Variants in KIRREL3 observed in about 807,000 individuals in gnomAD.
KIRREL3 encodes kirre like nephrin family adhesion molecule 3, also known as kin of IRRE-like protein 3.
Under a neutral mutation model 89.7 loss-of-function variants are expected in KIRREL3, and 36 were observed. The observed-to-expected ratio is 0.40, with a 90% confidence interval of 0.31 to 0.53. KIRREL3 has a LOEUF of 0.53. KIRREL3 is among the 20% of genes least tolerant of loss of function. KIRREL3 has a pLI of 0.49. For synonymous variants in KIRREL3, 445 were observed against 441.4 expected (o/e 1.01, Z -0.10); for missense variants, 864 against 1,056.6 (o/e 0.82, Z 2.53).
rs1946175674 is a variant in KIRREL3, at chr11:126,676,100, C to T, written c.56-113188G>A. ...GTCCAGTTTGGGACATACTGAATTT[C>T]AGATGGTTTGGGGACATTCAGGTGT... On this transcript the variant is annotated intron_variant, in intron 1 of 16. Transcript: ENST00000525144. This position sits in a 1 kb window ranked among gnomAD's most constrained non-coding sequence, Gnocchi z 4.5. Among the ~76,000 whole-genome samples, 1 of 152,134 alleles carries T rather than the reference C, an allele frequency of 6.6e-6. No individual in the cohort carries two copies. The highest frequency in any genetic ancestry group is 6.5e-5 in the Admixed American group (1 of 15,272).
Position 126,704,743 on chromosome 11 carries a change from G to C in KIRREL3, c.56-141831C>G, listed in dbSNP as rs1947455248. ...CTGTCTGCGTTAGCAGGTCACTTTT[G>C]GGCTAGCTACCTATACCAGTCCAAA... is the stretch of plus-strand genomic sequence containing the variant. On this transcript the variant is annotated intron_variant, in intron 1 of 16. Transcript: ENST00000525144. The surrounding 1 kb of genome is among the most constrained non-coding windows in gnomAD (Gnocchi z 4.2). Among the ~76,000 whole-genome samples, 1 of 152,172 alleles carries C rather than the reference G, an allele frequency of 6.6e-6. No homozygotes were observed. Among genetic ancestry groups the C allele is most frequent in the East Asian group, 1.9e-4 (1 of 5,200 alleles).
In KIRREL3 at chr11:126,710,338, T is replaced by C. The variant is rs1274018620; in HGVS notation, c.56-147426A>G. ...GAGAGAAGGGAGATAGCTAGCTCAG[T>C]GTGGCACCCCATTCTTCCCATTGAG... On this transcript the variant is annotated intron_variant, in intron 1 of 16. Transcript: ENST00000525144. The surrounding 1 kb of genome is among the most constrained non-coding windows in gnomAD (Gnocchi z 4.2). 6.6e-6 allele frequency among the ~76,000 whole-genome samples: 1 copy of C among 152,166 alleles called. No homozygotes were observed. The highest frequency in any genetic ancestry group is 1.5e-5 in the Non-Finnish European group (1 of 68,024).
intron 1 of KIRREL3, among the ~76,000 whole-genome samples, chr11:126,929,371 G>T (rs1947845880): frequency 6.6e-6 from 1 of 152,174 alleles, no homozygotes; most frequent in South Asian, 2.1e-4. Flanking sequence ...GGTGCTGAGG[G>T]TGTGGACAGG....
intron 7 of KIRREL3, among the ~76,000 whole-genome samples, chr11:126,453,512 CAGTT>C (rs1433911311): frequency 6.6e-6 from 1 of 152,240 alleles, no homozygotes; most frequent in African/African-American, 2.4e-5. Context: ...GTAATCTTGT[CAGTT>C]AGGAAAAATC....
At chr11:126,514,065 G>A (rs1008993644) in intron 4 of KIRREL3, among the ~76,000 whole-genome samples, 12 of 152,220 alleles carry the variant, frequency 7.9e-5, no homozygotes, top group Admixed American at 1.3e-4. Flanking sequence ...TGGCCCAGGG[G>A]ACATGGGGGT....
At chr11:126,699,639 A>G (rs898803140) in intron 1 of KIRREL3, among the ~76,000 whole-genome samples, 1 of 152,176 alleles carries the variant, frequency 6.6e-6, no homozygotes. Context: ...GTATATATTT[A>G]TATTTCCAGC....
At chr11:126,506,623 G>A (rs1958024051) in intron 4 of KIRREL3, among the ~76,000 whole-genome samples, 1 of 152,204 alleles carries the variant, frequency 6.6e-6, no homozygotes, top group African/African-American at 2.4e-5. Context: ...GGTGGGAATG[G>A]ATACAGCCAC....
chr11:126,598,817 T>C (rs11604082), intron 1 of KIRREL3, among the ~76,000 whole-genome samples: 13,579 of 152,258 alleles, frequency 0.089, 714 homozygotes, highest in Middle Eastern at 0.13. Flanking sequence ...ACCTCTGCAG[T>C]GGGAATAATA....
At position 126,943,553 on chromosome 11, in the gene KIRREL3, A is replaced by G. The variant is rs1948524023; in HGVS notation, c.55+56902T>C. Among the ~76,000 whole-genome samples, 1 of 152,220 alleles carries G rather than the reference A, an allele frequency of 6.6e-6. No homozygotes were observed. Among genetic ancestry groups the G allele is most frequent in the Non-Finnish European group, 1.5e-5 (1 of 68,030 alleles). ...AAGGATGAGCCCAGGACAAGATTAA[A>G]TCAGCAGACTGAACGATAAATGAAC... On this transcript the variant is annotated intron_variant, in intron 1 of 16. Transcript: ENST00000525144. The surrounding 1 kb of genome is among the most constrained non-coding windows in gnomAD (Gnocchi z 4.2).
chr11:126,602,315 A>G (rs1942696379), intron 1 of KIRREL3, among the ~76,000 whole-genome samples: 3 of 152,120 alleles, frequency 2.0e-5, no homozygotes, highest in Admixed American at 6.5e-5. Context: ...GGGGTTATCT[A>G]CAGGGACTGA....
chr11:126,828,935 A>G (rs1943510055), intron 1 of KIRREL3, among the ~76,000 whole-genome samples: 1 of 152,314 alleles, frequency 6.6e-6, no homozygotes, highest in African/African-American at 2.4e-5. Context: ...GGAAACCAGG[A>G]GAAGCCAGCA....
At chr11:126,700,731 A>G (rs954552903) in intron 1 of KIRREL3, among the ~76,000 whole-genome samples, 1 of 152,166 alleles carries the variant, frequency 6.6e-6, no homozygotes, top group African/African-American at 2.4e-5. Flanking sequence ...GCTATTCAGC[A>G]GGTGAAACCT....
chr11:126,547,926 T>C (rs879474854), intron 2 of KIRREL3, among the ~76,000 whole-genome samples: 3 of 152,190 alleles, frequency 2.0e-5, no homozygotes, highest in African/African-American at 4.8e-5. Flanking sequence ...TCTGTGTGCC[T>C]TTAGGTGATG....
At chr11:126,596,484 C>T (rs930798093) in intron 1 of KIRREL3, among the ~76,000 whole-genome samples, 9 of 152,236 alleles carry the variant, frequency 5.9e-5, no homozygotes, top group African/African-American at 1.9e-4. Flanking sequence ...TACTCTGTCC[C>T]TTCTGAAGGG....
Position 126,453,206 on chromosome 11 carries a change from C to T in KIRREL3, c.848+3143G>A, listed in dbSNP as rs545688332. On this transcript the variant is annotated intron_variant, in intron 7 of 16. Coordinates refer to ENST00000525144, the MANE Select transcript of KIRREL3 (RefSeq NM_032531.4). ...TATATCACAGAATCAGGGGGGCTGGCGTGTCACAGCCGCCAGGTTGTCCTC... is the reference window on the plus strand; with the variant it reads ...TATATCACAGAATCAGGGGGGCTGGTGTGTCACAGCCGCCAGGTTGTCCTC... Among the ~76,000 whole-genome samples, 6 of 152,266 alleles carry T rather than the reference C, an allele frequency of 3.9e-5. No individual in the cohort carries two copies. In the East Asian group the frequency reaches 9.7e-4, roughly 24 times the overall value.
At chr11:126,722,690 G>T (rs774752909) in intron 1 of KIRREL3, among the ~76,000 whole-genome samples, 1 of 152,216 alleles carries the variant, frequency 6.6e-6, no homozygotes, top group South Asian at 2.1e-4. Context: ...GTGCTGAGCT[G>T]TGCTCTAACT....
chr11:126,957,812 A>G (rs536103446), intron 1 of KIRREL3, among the ~76,000 whole-genome samples: 4 of 152,360 alleles, frequency 2.6e-5, no homozygotes, highest in South Asian at 2.1e-4. Context: ...CAACAGAACT[A>G]GATGTCTGAA....
intron 1 of KIRREL3, among the ~76,000 whole-genome samples, chr11:126,625,349 C>T (rs117119409): frequency 2.6e-5 from 4 of 152,164 alleles, no homozygotes; most frequent in African/African-American, 7.2e-5. Context: ...TGGCCTGAAA[C>T]AAGCGACATT....
chr11:126,921,710 C>G (rs1242592061), intron 1 of KIRREL3, among the ~76,000 whole-genome samples: 1 of 148,072 alleles, frequency 6.8e-6, no homozygotes, highest in South Asian at 2.2e-4. Context: ...CTTTCTTTTT[C>G]TTTCTATCTA....
Sources: gnomAD v4.1 joint callset for allele counts (sites outside exome capture counted in the v4.1 genomes callset) on GRCh38, gnomAD v4.1.1 for gene constraint, Gnocchi (gnomAD v3.1) non-coding constraint, MANE v1.5 for transcripts, NCBI Gene and HGNC (gene_info 2026-07-23, HGNC 2026-07-21) for gene names.